The following ADPGK variants were observed in gnomAD, a reference collection of about 807,000 sequenced individuals.
The protein encoded by ADPGK is ADP dependent glucokinase, also known as ADP-dependent glucokinase.
ADPGK carries 26 observed loss-of-function variants against 42.4 expected under a neutral mutation model. That is an observed-to-expected ratio of 0.61 (90% CI 0.45 to 0.85). The LOEUF is 0.85. Ranked by LOEUF, ADPGK falls within the 40% of genes least tolerant of loss-of-function variation. The pLI is 0.00. For synonymous variants in ADPGK, 267 were observed against 252.6 expected (o/e 1.06, Z -0.54); for missense variants, 571 against 627.0 (o/e 0.91, Z 0.95).
intron 1 of ADPGK, chr15:72,782,947 AGGC>A (rs2066483790): frequency 6.5e-6 from 1 of 152,674 alleles, no homozygotes; most frequent in African/African-American, 2.4e-5. Flanking sequence ...AATGCGTGGA[AGGC>A]TGCAGAGTAG....
At chr15:72,780,130 T>C (rs2066439015) in intron 1 of ADPGK, among the ~76,000 whole-genome samples, 2 of 152,212 alleles carry the variant, frequency 1.3e-5, no homozygotes, top group South Asian at 4.1e-4. Context: ...TAGTCAATTT[T>C]CATAATGCTA....
chr15:72,783,739 G>A lies in ADPGK; in HGVS notation c.-48C>T. 7.1e-7 allele frequency: 1 copy of A among 1,403,468 alleles called. No homozygotes were observed. Among genetic ancestry groups the A allele is most frequent in the Non-Finnish European group, 9.2e-7 (1 of 1,081,826 alleles). 86.9% of individuals were successfully genotyped at this position (1,403,468 alleles called of 1,614,324 possible). On this transcript the variant is annotated 5_prime_UTR_variant, in exon 1 of 7. Transcript: ENST00000456471. ...CGCGAACCAACTCCTTTCCTAGCCC[G>A]CGCCTCTTCCGGGCTCGGCGCGCGC...
At chr15:72,768,077 G>C (rs2066281168) in intron 3 of ADPGK, among the ~76,000 whole-genome samples, 1 of 152,014 alleles carries the variant, frequency 6.6e-6, no homozygotes, top group Non-Finnish European at 1.5e-5. Context: ...TATCAGGAAT[G>C]AGAAGGAAAA....
intron 4 of ADPGK, among the ~76,000 whole-genome samples, chr15:72,758,929 TTTTA>T (rs1029005684): frequency 9.2e-5 from 14 of 152,298 alleles, no homozygotes; most frequent in African/African-American, 2.9e-4. Flanking sequence ...CAGGTCATTC[TTTTA>T]TTTATTTATT....
intron 2 of ADPGK, among the ~76,000 whole-genome samples, chr15:72,773,967 C>T (rs1404077517): frequency 1.3e-5 from 2 of 152,258 alleles, no homozygotes; most frequent in Admixed American, 6.5e-5. Flanking sequence ...CTCCCGGGCT[C>T]AGGTGATCCT....
intron 4 of ADPGK, chr15:72,758,031 T>C (rs2066138907): frequency 6.5e-7 from 1 of 1,528,624 alleles, no homozygotes; most frequent in Non-Finnish European, 9.0e-7. Flanking sequence ...AACCACCAGC[T>C]GAGATCTGTG....
intron 5 of ADPGK, 120 bp from the exon 6 acceptor site, chr15:72,755,774 C>G: frequency 1.3e-6 from 1 of 752,696 alleles, no homozygotes; most frequent in African/African-American, 1.7e-5. Flanking sequence ...TGCATGCTCA[C>G]GGGAGCTACA....
At chr15:72,771,745 G>T in intron 3 of ADPGK, 38 bp downstream of exon 3, 2 of 1,565,130 alleles carry the variant, frequency 1.3e-6, no homozygotes, top group South Asian at 2.3e-5. Context: ...TGAAACACTA[G>T]GGAAAGGCAT....
At chr15:72,768,681 T>C (rs1273632530) in intron 3 of ADPGK, among the ~76,000 whole-genome samples, 6 of 144,502 alleles carry the variant, frequency 4.2e-5, no homozygotes, top group African/African-American at 1.3e-4. Context: ...AAAAAAAAAA[T>C]TGAAGAGAAG....
rs1380429627 is a variant in ADPGK, at chr15:72,758,386, CTGA to C, written c.644-1942_644-1940del. The C allele has an allele frequency of 6.2e-5, 35 of 560,422 alleles. No individual in the cohort carries two copies. In the Admixed American group the frequency reaches 9.4e-4, roughly 15 times the overall value. 34.7% of individuals were successfully genotyped at this position (560,422 alleles called of 1,614,324 possible). ...GACTCACTGGATTCCCAGCCCAAGCCTGACAATGGGCTTCTCTGGGGAGATCTG... is the reference window on the plus strand; with the variant it reads ...GACTCACTGGATTCCCAGCCCAAGCCCAATGGGCTTCTCTGGGGAGATCTG... On this transcript the variant is annotated intron_variant, in intron 4 of 6. Transcript: ENST00000456471.
At chr15:72,758,143 C>G in intron 4 of ADPGK, 2 of 1,613,320 alleles carry the variant, frequency 1.2e-6, no homozygotes, top group Non-Finnish European at 1.7e-6. Context: ...CCAGGTCTGG[C>G]TGAAACTCCT....
intron 3 of ADPGK, among the ~76,000 whole-genome samples, chr15:72,770,418 T>C (rs1429844191): frequency 1.3e-5 from 2 of 152,178 alleles, no homozygotes; most frequent in African/African-American, 4.8e-5. Flanking sequence ...ATGACCGTCC[T>C]GGGTATTGTC....
intron 3 of ADPGK, among the ~76,000 whole-genome samples, chr15:72,761,428 T>C (rs2066191612): frequency 6.6e-6 from 1 of 152,188 alleles, no homozygotes; most frequent in South Asian, 2.1e-4. Context: ...GCCTTTCCAA[T>C]ATGAGAATTA....
At chr15:72,776,771 T>C (rs2066397381) in intron 1 of ADPGK, among the ~76,000 whole-genome samples, 1 of 152,192 alleles carries the variant, frequency 6.6e-6, no homozygotes, top group Admixed American at 6.5e-5. Flanking sequence ...GGGTCCTTTT[T>C]ATTAATTCTT....
chr15:72,759,403 C>T (rs1211062965), intron 4 of ADPGK, among the ~76,000 whole-genome samples: 1 of 152,218 alleles, frequency 6.6e-6, no homozygotes, highest in Non-Finnish European at 1.5e-5. Flanking sequence ...GAATTGCCTA[C>T]GTCAACGCTG....
intron 4 of ADPGK, chr15:72,758,291 C>T (rs2151073142): frequency 1.4e-6 from 1 of 723,688 alleles, no homozygotes; most frequent in Non-Finnish European, 2.5e-6. Context: ...TGTATTCATT[C>T]CTGTAAGCAA....
intron 3 of ADPGK, among the ~76,000 whole-genome samples, chr15:72,765,401 C>T (rs1276582915): frequency 6.6e-6 from 1 of 152,152 alleles, no homozygotes; most frequent in African/African-American, 2.4e-5. Flanking sequence ...CTGCCCACCT[C>T]GGCCTCCCAA....
Position 72,774,524 on chromosome 15 carries a change from G to A in ADPGK, c.459+348C>T, listed in dbSNP as rs533276406. 4.6e-5 allele frequency among the ~76,000 whole-genome samples: 7 copies of A among 152,218 alleles called. No individual in the cohort carries two copies. The East Asian group carries it at 5.8e-4, about 13-fold the overall frequency. Reference sequence around the variant, plus strand: ...TGGAAACCACTAAGGTTCTAACTTCGACAGGTTCTACCTTGCAGACCAGTG... The same window carrying A: ...TGGAAACCACTAAGGTTCTAACTTCAACAGGTTCTACCTTGCAGACCAGTG... On this transcript the variant is annotated intron_variant, in intron 2 of 6. Coordinates refer to ENST00000456471, the MANE Select transcript of ADPGK (RefSeq NM_001365225.1).
At chr15:72,758,134 C>T in intron 4 of ADPGK, 3 of 1,613,662 alleles carry the variant, frequency 1.9e-6, no homozygotes, top group Non-Finnish European at 2.5e-6. Flanking sequence ...AAAGGACCAC[C>T]AGGTCTGGCT....
Sources: allele counts gnomAD v4.1 joint callset (sites outside exome capture counted in the v4.1 genomes callset), GRCh38; gene constraint gnomAD v4.1.1; transcripts MANE v1.5; gene names NCBI Gene and HGNC (gene_info 2026-07-23, HGNC 2026-07-21).